Variants in STARD7 observed in about 807,000 individuals in gnomAD.
The protein encoded by STARD7 is stAR-related lipid transfer protein 7, mitochondrial.
Under a neutral mutation model 45.3 loss-of-function variants are expected in STARD7, and 30 were observed. The ratio of observed to expected loss-of-function variants is 0.66; its 90% confidence interval spans 0.50 to 0.90. STARD7 has a LOEUF of 0.90. Among genes scored for constraint, STARD7 ranks in the 40% least tolerant of loss-of-function variants. The probability of loss-of-function intolerance (pLI) is 0.00; values close to 1 mark genes in which losing one functional copy is unlikely to be tolerated. For synonymous variants in STARD7, 199 were observed against 183.0 expected (o/e 1.09, Z -0.70); for missense variants, 495 against 491.3 (o/e 1.01, Z -0.07).
Position 96,195,488 on chromosome 2 carries a change from G to A in STARD7, c.352C>T (p.Gln118Ter). 6.2e-7 allele frequency: 1 copy of A among 1,613,712 alleles called. No homozygotes were observed. Among genetic ancestry groups the A allele is most frequent in the East Asian group, 2.2e-5 (1 of 44,882 alleles). ...MSNMFQSSGV[Q>*]HHPPEPKAQT... Reference sequence around the variant, plus strand: ...GCTTTTGGTTCTGGAGGGTGGTGCTGGACTCCAGAGCTCTGAAACATATTT... The same window carrying A: ...GCTTTTGGTTCTGGAGGGTGGTGCTAGACTCCAGAGCTCTGAAACATATTT... The change falls in exon 2 of 8, where the codon CAG becomes TAG. Residue 118 changes from glutamine (Q) to a stop codon, truncating the protein, a stop_gained. Coordinates refer to ENST00000337288, the MANE Select transcript of STARD7 (RefSeq NM_020151.4). LOFTEE classifies it high-confidence loss of function.
In STARD7 at chr2:96,186,929, G is replaced by GA. The variant is rs763414545; in HGVS notation, c.929-16dup. Reference sequence around the variant, plus strand: ...ATCTGGCATGCCTGTCAGGAGACGAGAATCAGGTTAAGCTGACATACAAAC... The same window carrying GA: ...ATCTGGCATGCCTGTCAGGAGACGAGAAATCAGGTTAAGCTGACATACAAAC... On this transcript the variant is annotated splice_polypyrimidine_tract_variant and intron_variant, in intron 7 of 7. Coordinates refer to ENST00000337288, the MANE Select transcript of STARD7 (RefSeq NM_020151.4). 1.9e-5 allele frequency: 31 copies of GA among 1,607,874 alleles called. No homozygotes were observed. Among genetic ancestry groups the GA allele is most frequent in the Non-Finnish European group, 2.6e-5 (31 of 1,176,776 alleles).
chr2:96,204,940 TA>T (rs35226187), intron 1 of STARD7, among the ~76,000 whole-genome samples: 1 of 152,172 alleles, frequency 6.6e-6, no homozygotes, highest in Non-Finnish European at 1.5e-5. Context: ...CTGTAACTTT[TA>T]AAAAACTATG....
At chr2:96,197,153 C>G (rs1232957992) in intron 1 of STARD7, among the ~76,000 whole-genome samples, 1 of 148,812 alleles carries the variant, frequency 6.7e-6, no homozygotes, top group Non-Finnish European at 1.5e-5. Context: ...CGCCTGTAAT[C>G]CCAGACTTTG....
At chr2:96,197,567 CTT>C (rs910327154) in intron 1 of STARD7, among the ~76,000 whole-genome samples, 1 of 152,076 alleles carries the variant, frequency 6.6e-6, no homozygotes, top group African/African-American at 2.4e-5. Flanking sequence ...TATTTTTCCC[CTT>C]TGTTTTTAAA....
chr2:96,202,805 C>T (rs978848511), intron 1 of STARD7, among the ~76,000 whole-genome samples: 6 of 152,144 alleles, frequency 3.9e-5, no homozygotes, highest in African/African-American at 1.2e-4. Flanking sequence ...GGTGGAATGT[C>T]GTACTAAAAC....
In STARD7 at chr2:96,187,557, C is replaced by T. The variant is rs1188988063; in HGVS notation, c.844-256G>A. The T allele has an allele frequency of 1.1e-5, 4 of 367,284 alleles. No homozygotes were observed. The East Asian group carries it at 2.1e-4, about 19-fold the overall frequency. The allele number at this position is 367,284 out of a possible 1,614,324, so 22.8% of individuals were successfully genotyped here. A position where few individuals can be genotyped will look rare whatever the true frequency, so the allele number is the denominator to read the frequency against. ...ATATGGGTGGCTCCCTGTGCATAGA[C>T]TATGCAAACAACGTGGTTTATGCTG... On this transcript the variant is annotated intron_variant, in intron 6 of 7. Transcript: ENST00000337288.
intron 1 of STARD7, among the ~76,000 whole-genome samples, chr2:96,200,587 T>C (rs1683290131): frequency 2.0e-5 from 3 of 152,230 alleles, no homozygotes; most frequent in African/African-American, 7.2e-5. Flanking sequence ...TTAACATAGC[T>C]GTACTTGCAA....
At chr2:96,197,482 G>A (rs1038352778) in intron 1 of STARD7, among the ~76,000 whole-genome samples, 10 of 152,116 alleles carry the variant, frequency 6.6e-5, no homozygotes, top group African/African-American at 2.4e-4. Context: ...TAACTATGAA[G>A]GTTTATGGTT....
intron 1 of STARD7, among the ~76,000 whole-genome samples, chr2:96,196,600 T>G (rs1457506595): frequency 6.6e-6 from 1 of 152,180 alleles, no homozygotes; most frequent in Non-Finnish European, 1.5e-5. Context: ...TAGCTGGGAC[T>G]ACAGGCACGC....
chr2:96,197,731 C>T (rs1683246356), intron 1 of STARD7, among the ~76,000 whole-genome samples: 2 of 152,166 alleles, frequency 1.3e-5, no homozygotes, highest in African/African-American at 4.8e-5. Context: ...TAGTCACTTC[C>T]CATTCCTGCC....
chr2:96,197,743 C>T (rs1488369402), intron 1 of STARD7, among the ~76,000 whole-genome samples: 1 of 152,204 alleles, frequency 6.6e-6, no homozygotes, highest in East Asian at 1.9e-4. Context: ...ATTCCTGCCT[C>T]CTCCCAGTCC....
At chr2:96,204,767 T>TAAAAAAAAAAAA (rs1683361979) in intron 1 of STARD7, among the ~76,000 whole-genome samples, 1 of 104,244 alleles carries the variant, frequency 9.6e-6, no homozygotes. Flanking sequence ...AAAAAAAAAG[T>TAAAAAAAAAAAA]TCCTTTAAGG....
intron 6 of STARD7, 135 bp from the exon 7 acceptor site, chr2:96,187,436 A>G: frequency 1.6e-6 from 1 of 626,912 alleles, no homozygotes; most frequent in Non-Finnish European, 2.8e-6. Flanking sequence ...TGCAGAAAAG[A>G]GTTAACACTG....
chr2:96,185,110 A>G lies in STARD7; in HGVS notation c.*1620T>C, dbSNP rs1187929128. On this transcript the variant is annotated 3_prime_UTR_variant, in exon 8 of 8. Coordinates refer to ENST00000337288, the MANE Select transcript of STARD7 (RefSeq NM_020151.4). ...GCACACATCCATCCACATCCCAACA[A>G]TTGCAGGTGCTAAGTTTGGACATAA... The G allele has an allele frequency of 6.6e-6, 1 of 152,496 alleles. No individual in the cohort carries two copies. The highest frequency in any genetic ancestry group is 6.6e-5 in the Admixed American group (1 of 15,264). The allele number at this position is 152,496 out of a possible 1,614,324, so 9.4% of individuals were successfully genotyped here.
intron 1 of STARD7, among the ~76,000 whole-genome samples, chr2:96,203,468 T>G (rs1407080075): frequency 6.6e-6 from 1 of 152,138 alleles, no homozygotes; most frequent in Non-Finnish European, 1.5e-5. Flanking sequence ...ACAAAGTAAG[T>G]GAAACAACAT....
rs1314656790 is a variant in STARD7 at position 96,195,360 on chromosome 2, G to A, written c.480C>T (p.Thr160=). 2 of 1,578,990 alleles carry A rather than the reference G, an allele frequency of 1.3e-6. No homozygotes were observed. Among genetic ancestry groups the A allele is most frequent in the African/African-American group, 2.7e-5 (2 of 74,514 alleles). Residue 160 remains threonine (T), a synonymous_variant, in exon 2 of 8, where the codon ACC becomes ACT. Transcript: ENST00000337288. ...FKLWRRPITG[T]HLYQYRVFGT... Reference sequence around the variant, plus strand: ...GCTCACCTCGGTACTGGTAAAGGTGGGTGCCTGTAATTGGGCGCCGCCACA... The same window carrying A: ...GCTCACCTCGGTACTGGTAAAGGTGAGTGCCTGTAATTGGGCGCCGCCACA...
At chr2:96,188,411 G>A (rs1264819892) in intron 6 of STARD7, among the ~76,000 whole-genome samples, 1 of 149,864 alleles carries the variant, frequency 6.7e-6, no homozygotes, top group East Asian at 2.1e-4. Flanking sequence ...CAGTAGCTGA[G>A]ATTACAGGCA....
chr2:96,196,320 C>T (rs1277583007), intron 1 of STARD7, among the ~76,000 whole-genome samples: 1 of 151,962 alleles, frequency 6.6e-6, no homozygotes, highest in Admixed American at 6.6e-5. Flanking sequence ...AAAAAATTAG[C>T]CAGGCATAGT....
intron 1 of STARD7, among the ~76,000 whole-genome samples, chr2:96,201,386 G>A (rs1301422347): frequency 7.1e-6 from 1 of 140,268 alleles, no homozygotes; most frequent in East Asian, 2.3e-4. Context: ...GACCAGCCTG[G>A]GCAACATGCA....
Sources: allele counts gnomAD v4.1 joint callset (sites outside exome capture counted in the v4.1 genomes callset), GRCh38; gene constraint gnomAD v4.1.1; transcripts MANE v1.5; gene names NCBI Gene and HGNC (gene_info 2026-07-23, HGNC 2026-07-21).